The following SVEP1 variants were observed in gnomAD, a reference collection of about 807,000 sequenced individuals.
SVEP1 encodes sushi, von Willebrand factor type A, EGF and pentraxin domain-containing protein 1.
In SVEP1, 164 loss-of-function variants were observed where a neutral mutation model predicts 367.3. The ratio of observed to expected loss-of-function variants is 0.45; its 90% CI spans 0.39 to 0.51. The LOEUF is 0.51. Among genes scored for constraint, SVEP1 ranks in the 20% least tolerant of loss-of-function variants. The probability of loss-of-function intolerance (pLI) is 0.00; values close to 1 mark genes in which losing one functional copy is unlikely to be tolerated. For synonymous variants in SVEP1, 1,666 were observed against 1,611.6 expected (o/e 1.03, Z -0.81); for missense variants, 4,117 against 4,425.3 (o/e 0.93, Z 1.98).
intron 1 of SVEP1, among the ~76,000 whole-genome samples, chr9:110,553,642 T>C (rs1480841679): frequency 6.6e-6 from 1 of 152,170 alleles, no homozygotes; most frequent in Non-Finnish European, 1.5e-5. Flanking sequence ...CAGGCCCAGG[T>C]ATTTCAAGGC....
intron 38 of SVEP1, 122 bp from the exon 39 acceptor site, chr9:110,404,674 G>C (rs1259543482): frequency 5.7e-6 from 5 of 877,736 alleles, no homozygotes; most frequent in Non-Finnish European, 7.3e-6. Flanking sequence ...ATTGATTGTT[G>C]CACAATCAAT....
chr9:110,367,906 C>T (rs1394936359), intron 47 of SVEP1, among the ~76,000 whole-genome samples: 1 of 151,888 alleles, frequency 6.6e-6, no homozygotes, highest in Non-Finnish European at 1.5e-5. Flanking sequence ...CATAGTGAAC[C>T]CTCATCTCTA....
At position 110,389,514 on chromosome 9, in the gene SVEP1, T is replaced by G. The variant is rs541440943; in HGVS notation, c.9886+10A>C. ...TCATTTTGGGGGCTGCTAAGTGTCATTCAACTCACCTTTGCATATTGCCAC... is the reference window on the plus strand; with the variant it reads ...TCATTTTGGGGGCTGCTAAGTGTCAGTCAACTCACCTTTGCATATTGCCAC... On this transcript the variant is annotated intron_variant, in intron 41 of 47. Transcript: ENST00000374469. 1 of 1,613,216 alleles carries G rather than the reference T, an allele frequency of 6.2e-7. No homozygotes were observed. The highest frequency in any genetic ancestry group is 8.5e-7 in the Non-Finnish European group (1 of 1,179,568).
chr9:110,467,439 A>G (rs960272489), intron 17 of SVEP1, among the ~76,000 whole-genome samples: 1 of 152,056 alleles, frequency 6.6e-6, no homozygotes, highest in Non-Finnish European at 1.5e-5. Flanking sequence ...TATAGTTTGG[A>G]TGTGTGTCTC....
chr9:110,423,569 A>G (rs1828208491), intron 36 of SVEP1, among the ~76,000 whole-genome samples: 3 of 152,186 alleles, frequency 2.0e-5, no homozygotes, highest in Admixed American at 2.0e-4. Context: ...AAGAAGGCAG[A>G]AACATTAAGT....
rs529207590 is a variant in SVEP1 at position 110,466,400 on chromosome 9, G to A, written c.3161-374C>T. 3.7e-4 allele frequency among the ~76,000 whole-genome samples: 56 copies of A among 152,236 alleles called. 1 individual carries two copies. In the South Asian group the frequency reaches 0.01, roughly 28 times the overall value. On this transcript the variant is annotated intron_variant, in intron 17 of 47. Transcript: ENST00000374469. ...CTCAATACGTACACTGTTATCCTGCGTGGCAGAAACAAAACCCCAAACCTA... is the reference window on the plus strand; with the variant it reads ...CTCAATACGTACACTGTTATCCTGCATGGCAGAAACAAAACCCCAAACCTA...
chr9:110,549,806 C>T, intron 2 of SVEP1, 43 bp downstream of exon 2: 7 of 1,604,154 alleles, frequency 4.4e-6, no homozygotes, highest in Non-Finnish European at 6.0e-6. Context: ...GCAAGGAAGC[C>T]TCATTTAAAA....
intron 1 of SVEP1, among the ~76,000 whole-genome samples, chr9:110,569,392 G>T (rs1830528640): frequency 6.6e-6 from 1 of 150,512 alleles, no homozygotes; most frequent in Non-Finnish European, 1.5e-5. Context: ...GGAGGTGGAG[G>T]TTGTGGTGAG....
rs372971709 is a variant in SVEP1, at chr9:110,483,650, G to A, written c.1974C>T (p.Pro658=). The A allele has an allele frequency of 1.1e-5, 18 of 1,611,188 alleles. No individual in the cohort carries two copies. Among genetic ancestry groups the A allele is most frequent in the South Asian group, 2.2e-5 (2 of 90,602 alleles). Residue 658 remains proline (P), a synonymous_variant, in exon 10 of 48, where the codon CCC becomes CCT. Coordinates refer to ENST00000374469, the MANE Select transcript of SVEP1 (RefSeq NM_153366.4). ...PVIDWCRSPP[P]VQVSEKVHAA... Reference sequence around the variant, plus strand: ...CATGTACCTTCTCCGAGACCTGGACGGGAGGTGGAGATCTGCACCAGTCTA... The same window carrying A: ...CATGTACCTTCTCCGAGACCTGGACAGGAGGTGGAGATCTGCACCAGTCTA...
At chr9:110,426,378 AT>A (rs937279295) in intron 36 of SVEP1, among the ~76,000 whole-genome samples, 25 of 150,256 alleles carry the variant, frequency 1.7e-4, no homozygotes, top group Admixed American at 6.0e-4. Context: ...GGGTTCATTG[AT>A]TTTTTTTTTC....
intron 40 of SVEP1, among the ~76,000 whole-genome samples, chr9:110,390,154 C>CTTGT (rs1588027186): frequency 2.6e-5 from 2 of 77,838 alleles, no homozygotes; most frequent in Non-Finnish European, 5.2e-5. Flanking sequence ...CAAGTATATA[C>CTTGT]ATACATACTT....
intron 3 of SVEP1, among the ~76,000 whole-genome samples, chr9:110,526,539 T>C (rs1427814849): frequency 6.6e-6 from 1 of 152,074 alleles, no homozygotes; most frequent in Non-Finnish European, 1.5e-5. Flanking sequence ...CCAAGTGCTA[T>C]CAAGGAGGCA....
chr9:110,489,288 G>A (rs1333185879), intron 9 of SVEP1, among the ~76,000 whole-genome samples: 1 of 152,106 alleles, frequency 6.6e-6, no homozygotes, highest in Non-Finnish European at 1.5e-5. Context: ...TACTGTATTA[G>A]TCTGTTCTCA....
At chr9:110,533,733 G>T (rs566821384) in intron 3 of SVEP1, among the ~76,000 whole-genome samples, 1 of 152,116 alleles carries the variant, frequency 6.6e-6, no homozygotes, top group Non-Finnish European at 1.5e-5. Context: ...CCTCTAGCTT[G>T]GGCTATCATT....
intron 3 of SVEP1, among the ~76,000 whole-genome samples, chr9:110,540,844 A>T (rs1411880488): frequency 6.6e-6 from 1 of 152,202 alleles, no homozygotes; most frequent in Non-Finnish European, 1.5e-5. Context: ...GATCTTGTCC[A>T]TGAAGTAGCT....
chr9:110,516,710 T>G (rs978382208), intron 3 of SVEP1, among the ~76,000 whole-genome samples: 1 of 152,040 alleles, frequency 6.6e-6, no homozygotes, highest in Non-Finnish European at 1.5e-5. Context: ...AATGAAAAAT[T>G]AGAATTGTCA....
At chr9:110,569,490 G>A (rs547503507) in intron 1 of SVEP1, among the ~76,000 whole-genome samples, 3 of 151,830 alleles carry the variant, frequency 2.0e-5, no homozygotes, top group East Asian at 3.9e-4. Context: ...GGCTATTGGG[G>A]CTGTTTCAGA....
At chr9:110,459,721 C>T (rs1226910324) in intron 18 of SVEP1, among the ~76,000 whole-genome samples, 2 of 152,030 alleles carry the variant, frequency 1.3e-5, no homozygotes, top group African/African-American at 2.4e-5. Flanking sequence ...CCAATTTATA[C>T]TCCCATTAGT....
Position 110,406,141 on chromosome 9 carries a change from C to A in SVEP1, c.9440+19G>T. ...AATCCTGCCCGCACCCCTTGGAGAC[C>A]CTAGAGCCATGATCTTACCTGAGTT... On this transcript the variant is annotated intron_variant, in intron 38 of 47. Coordinates refer to ENST00000374469, the MANE Select transcript of SVEP1 (RefSeq NM_153366.4). 3 of 1,537,402 alleles carry A rather than the reference C, an allele frequency of 2.0e-6. No individual in the cohort carries two copies. In the East Asian group the frequency reaches 6.8e-5, roughly 35 times the overall value.
Sources: allele counts gnomAD v4.1 joint callset (sites outside exome capture counted in the v4.1 genomes callset), GRCh38; gene constraint gnomAD v4.1.1; transcripts MANE v1.5; gene names NCBI Gene and HGNC (gene_info 2026-07-23, HGNC 2026-07-21).